The following PPP1R36 variants were observed in gnomAD, a reference collection of about 807,000 sequenced individuals.
PPP1R36 encodes protein phosphatase 1 regulatory subunit 36, also known as chromosome 14 open reading frame 50.
PPP1R36 carries 47 observed loss-of-function variants against 53.4 expected under a neutral mutation model. The ratio of observed to expected loss-of-function variants is 0.88; its 90% CI spans 0.70 to 1.12. The LOEUF (loss-of-function observed/expected upper bound fraction) is 1.12. Among genes scored for constraint, PPP1R36 ranks in the 50% most tolerant of loss-of-function variants. The probability of loss-of-function intolerance (pLI) is 0.00; values close to 1 mark genes in which losing one functional copy is unlikely to be tolerated. For synonymous variants in PPP1R36, 153 were observed against 170.5 expected (o/e 0.90, Z 0.80); for missense variants, 456 against 513.9 (o/e 0.89, Z 1.09).
chr14:64,565,685 T>C lies in PPP1R36; in HGVS notation c.427T>C (p.Phe143Leu). Reference sequence around the variant, plus strand: ...GCAGCGGATCTGTTCTTTTACAACATTTATGAGGTATCTATTGCTTATGAG... The same window carrying C: ...GCAGCGGATCTGTTCTTTTACAACACTTATGAGGTATCTATTGCTTATGAG... ...EMQRICSFTT[F>L]MRNKNLDNFL... Residue 143 changes from phenylalanine (F) to leucine (L), a missense_variant, in exon 6 of 12, where the codon TTT becomes CTT. Transcript: ENST00000298705. 6.2e-7 allele frequency: 1 copy of C among 1,610,388 alleles called. No homozygotes were observed. Among genetic ancestry groups the C allele is most frequent in the Non-Finnish European group, 8.5e-7 (1 of 1,176,652 alleles).
chr14:64,574,540 C>T lies in PPP1R36; in HGVS notation c.619C>T (p.Leu207Phe). 1 of 1,614,026 alleles carries T rather than the reference C, an allele frequency of 6.2e-7. No homozygotes were observed. Among genetic ancestry groups the T allele is most frequent in the Non-Finnish European group, 8.5e-7 (1 of 1,179,970 alleles). Residue 207 changes from leucine to phenylalanine, a missense_variant, in exon 8 of 12, where the codon CTT becomes TTT. Leu to Phe is a conservative substitution (Grantham distance 22, BLOSUM62 0). Transcript: ENST00000298705. ...QRYLAQKYCI[L>F]VLGLAVPDKH... ...GTACTTGGCGCAGAAGTACTGTATCCTTGTGCTGGGCTTGGCCGTGCCGGA... is the reference window on the plus strand; with the variant it reads ...GTACTTGGCGCAGAAGTACTGTATCTTTGTGCTGGGCTTGGCCGTGCCGGA...
intron 3 of PPP1R36, among the ~76,000 whole-genome samples, chr14:64,553,216 A>G (rs763985280): frequency 2.6e-5 from 4 of 152,056 alleles, no homozygotes; most frequent in South Asian, 4.1e-4. Context: ...AAGCCTCCCA[A>G]AGTGCTGGGA....
chr14:64,555,317 C>A (rs1270578875), intron 3 of PPP1R36, among the ~76,000 whole-genome samples: 1 of 152,250 alleles, frequency 6.6e-6, no homozygotes, highest in African/African-American at 2.4e-5. Flanking sequence ...ATGATGTTAA[C>A]ATCGTTCTCG....
chr14:64,570,899 T>C (rs2080297836), intron 7 of PPP1R36, among the ~76,000 whole-genome samples: 1 of 152,204 alleles, frequency 6.6e-6, no homozygotes, highest in Non-Finnish European at 1.5e-5. Context: ...AGAGGTTAAA[T>C]AGTTTGTTGG....
In PPP1R36 at chr14:64,569,816, G is replaced by GCAAC. The variant is rs564047177; in HGVS notation, c.533+1370_533+1373dup. 2.1e-3 allele frequency among the ~76,000 whole-genome samples: 319 copies of GCAAC among 150,928 alleles called. 2 individuals are homozygous for GCAAC. Among genetic ancestry groups the GCAAC allele is most frequent in the African/African-American group, 7.3e-3 (301 of 41,048 alleles). ...TGCAGTGGTGCAATCTCGGCTCACT[G>GCAAC]CAACGTCCACCGCTCAGGTTCAAGT... On this transcript the variant is annotated intron_variant, in intron 7 of 11. Coordinates refer to ENST00000298705, the MANE Select transcript of PPP1R36 (RefSeq NM_172365.3).
Position 64,568,372 on chromosome 14 carries a change from T to C in PPP1R36, c.458T>C (p.Leu153Pro). Residue 153 changes from leucine (L) to proline (P), a missense_variant, in exon 7 of 12, where the codon CTC (leucine) becomes CCC (proline). Physicochemically the swap from Leu to Pro is moderately conservative, Grantham distance 98. Transcript: ENST00000298705. Reference protein sequence around the residue: ...FMRNKNLDNFLMALLYYLSHY... With the variant: ...FMRNKNLDNFPMALLYYLSHY... ...AGGAATAAGAATCTTGATAATTTCC[T>C]CATGGCATTATTGTACTACTTATCC... 3.3e-6 allele frequency: 5 copies of C among 1,536,654 alleles called. No individual in the cohort carries two copies. The highest frequency in any genetic ancestry group is 4.4e-6 in the Non-Finnish European group (5 of 1,131,880).
At chr14:64,565,529 GC>G in intron 5 of PPP1R36, 75 bp downstream of exon 5, 1 of 1,419,920 alleles carries the variant, frequency 7.0e-7, no homozygotes, top group Non-Finnish European at 9.9e-7. Flanking sequence ...ATAAACATCC[GC>G]CCATCTACAT....
intron 8 of PPP1R36, among the ~76,000 whole-genome samples, chr14:64,583,075 A>ATATATT (rs773808112): frequency 1.5e-5 from 2 of 133,134 alleles, no homozygotes; most frequent in African/African-American, 5.5e-5. Context: ...ATATATATAT[A>ATATATT]TTTTTTTTTT....
Sources: gnomAD v4.1 joint callset for allele counts (sites outside exome capture counted in the v4.1 genomes callset) on GRCh38, gnomAD v4.1.1 for gene constraint, MANE v1.5 for transcripts, NCBI Gene and HGNC (gene_info 2026-07-23, HGNC 2026-07-21) for gene names.